Variants in BNC2 observed in about 807,000 individuals in gnomAD.
BNC2 encodes the protein basonuclin zinc finger protein 2, also known as zinc finger protein basonuclin-2.
BNC2 carries 20 observed loss-of-function variants against 76.3 expected under a neutral mutation model. The observed-to-expected ratio is 0.26, with a 90% CI of 0.18 to 0.38. The LOEUF is 0.38. Among genes scored for constraint, BNC2 ranks in the 10% least tolerant of loss-of-function variants. BNC2 has a pLI of 1.00. For synonymous variants in BNC2, 582 were observed against 514.8 expected (o/e 1.13, Z -1.77); for missense variants, 1,382 against 1,399.8 (o/e 0.99, Z 0.20).
At chr9:16,743,997 C>T (rs927936777) in intron 1 of BNC2, among the ~76,000 whole-genome samples, 1 of 150,480 alleles carries the variant, frequency 6.6e-6, no homozygotes, top group African/African-American at 2.4e-5. Context: ...GACGGAGTCT[C>T]GCTCTGTCAC....
intron 1 of BNC2, among the ~76,000 whole-genome samples, chr9:16,797,180 C>T (rs1817678606): frequency 6.6e-6 from 1 of 152,042 alleles, no homozygotes; most frequent in African/African-American, 2.4e-5. Flanking sequence ...CTCTAAATCC[C>T]ATAAGGTAGC....
chr9:16,619,914 C>T lies in BNC2; in HGVS notation c.331-36829G>A, dbSNP rs187117870. Among the ~76,000 whole-genome samples, 158 of 152,232 alleles carry T rather than the reference C, an allele frequency of 1.0e-3. 2 individuals are homozygous for T. The highest frequency in any genetic ancestry group is 1.2e-3 in the Non-Finnish European group (79 of 68,004). On this transcript the variant is annotated intron_variant, in intron 3 of 6. Transcript: ENST00000380672. The stretch of plus-strand genomic sequence containing the variant: ...GCTTAAAATACAGTGGGCCTCCCAA[C>T]GGTAGAATCAACATTTTGCATGATG...
chr9:16,479,650 T>C (rs755691110), intron 5 of BNC2, among the ~76,000 whole-genome samples: 1 of 152,188 alleles, frequency 6.6e-6, no homozygotes, highest in East Asian at 1.9e-4. Context: ...TCCTATAATT[T>C]ACAATTTTGG....
At chr9:16,687,704 C>T (rs993732482) in intron 3 of BNC2, among the ~76,000 whole-genome samples, 4 of 152,166 alleles carry the variant, frequency 2.6e-5, no homozygotes, top group African/African-American at 7.2e-5. Flanking sequence ...ATCTCACATA[C>T]ACAAAACAAA....
intron 3 of BNC2, among the ~76,000 whole-genome samples, chr9:16,659,015 C>G (rs572712379): frequency 2.2e-4 from 33 of 152,252 alleles, no homozygotes; most frequent in Non-Finnish European, 4.4e-4. Flanking sequence ...TGTGATTAAA[C>G]TTAAGCATGA....
intron 1 of BNC2, among the ~76,000 whole-genome samples, chr9:16,810,330 G>A (rs920686462): frequency 2.0e-5 from 3 of 152,172 alleles, no homozygotes; most frequent in Non-Finnish European, 2.9e-5. Context: ...CACAAGACAG[G>A]CATTCACTCT....
At chr9:16,665,234 G>C (rs528146891) in intron 3 of BNC2, 6 of 376,018 alleles carry the variant, frequency 1.6e-5, no homozygotes, top group African/African-American at 8.5e-5. Flanking sequence ...GCCAGGCATG[G>C]TGGTGCATGC....
chr9:16,810,165 G>T (rs1438695175), intron 1 of BNC2, among the ~76,000 whole-genome samples: 1 of 152,170 alleles, frequency 6.6e-6, no homozygotes, highest in African/African-American at 2.4e-5. Flanking sequence ...TTTATAAAAA[G>T]AATATCATTA....
At chr9:16,495,040 T>G (rs1822358202) in intron 5 of BNC2, among the ~76,000 whole-genome samples, 1 of 152,186 alleles carries the variant, frequency 6.6e-6, no homozygotes, top group Non-Finnish European at 1.5e-5. Context: ...TGACGTATCA[T>G]TAGCAAGTGT....
intron 1 of BNC2, among the ~76,000 whole-genome samples, chr9:16,866,176 G>A (rs186684713): frequency 1.4e-4 from 21 of 152,194 alleles, no homozygotes; most frequent in African/African-American, 3.8e-4. Context: ...TTAATGGAAA[G>A]TGGTAAATAT....
intron 3 of BNC2, among the ~76,000 whole-genome samples, chr9:16,698,215 T>TGCAAAATTATGCTGC (rs1823396652): frequency 1.3e-5 from 2 of 152,152 alleles, no homozygotes; most frequent in African/African-American, 4.8e-5. Flanking sequence ...TCTTAAGCTG[T>TGCAAAATTATGCTGC]GCAAAATTAT....
chr9:16,747,589 T>C (rs1013821892), intron 1 of BNC2, among the ~76,000 whole-genome samples: 170 of 152,190 alleles, frequency 1.1e-3, no homozygotes, highest in African/African-American at 4.1e-3. Context: ...CGAAGTCTTA[T>C]ATTAAGGGTC....
At chr9:16,448,846 C>G (rs1821281315) in intron 5 of BNC2, among the ~76,000 whole-genome samples, 1 of 152,220 alleles carries the variant, frequency 6.6e-6, no homozygotes, top group African/African-American at 2.4e-5. Flanking sequence ...GATCTACTTT[C>G]CTTTGATTGC....
At chr9:16,501,966 A>C (rs777025241) in intron 5 of BNC2, among the ~76,000 whole-genome samples, 1 of 152,214 alleles carries the variant, frequency 6.6e-6, no homozygotes, top group Non-Finnish European at 1.5e-5. Flanking sequence ...GCATATTTAA[A>C]ATGCATTTCT....
intron 1 of BNC2, among the ~76,000 whole-genome samples, chr9:16,794,348 TGA>T: frequency 6.6e-6 from 1 of 152,216 alleles, no homozygotes; most frequent in South Asian, 2.1e-4. Context: ...TTATCATGAC[TGA>T]GCTTTTTTCA....
chr9:16,809,856 T>G (rs1818002871), intron 1 of BNC2, among the ~76,000 whole-genome samples: 1 of 152,144 alleles, frequency 6.6e-6, no homozygotes, highest in Non-Finnish European at 1.5e-5. Context: ...TCTTTCTATA[T>G]GATAAAGGAA....
intron 3 of BNC2, among the ~76,000 whole-genome samples, chr9:16,662,579 T>C (rs778958440): frequency 2.0e-5 from 3 of 151,968 alleles, no homozygotes; most frequent in Non-Finnish European, 2.9e-5. Context: ...CCACTAAACA[T>C]ACAAAAATTA....
chr9:16,596,140 A>C (rs1002129853), intron 3 of BNC2, among the ~76,000 whole-genome samples: 6 of 152,158 alleles, frequency 3.9e-5, no homozygotes, highest in African/African-American at 1.2e-4. Context: ...TCTACAAATT[A>C]GTCAAAAGAA....
At chr9:16,573,469 T>C (rs1190493588) in intron 4 of BNC2, among the ~76,000 whole-genome samples, 1 of 152,234 alleles carries the variant, frequency 6.6e-6, no homozygotes, top group African/African-American at 2.4e-5. Context: ...CAATTTGGAC[T>C]AGCCACATTT....
Sources: allele counts gnomAD v4.1 joint callset (sites outside exome capture counted in the v4.1 genomes callset), GRCh38; gene constraint gnomAD v4.1.1; transcripts MANE v1.5; gene names NCBI Gene and HGNC (gene_info 2026-07-23, HGNC 2026-07-21).